Variants in HBS1L observed in about 807,000 individuals in gnomAD.
The protein encoded by HBS1L is HBS1 like translational GTPase.
Under a neutral mutation model 88.9 loss-of-function variants are expected in HBS1L, and 55 were observed. The observed-to-expected ratio is 0.62, with a 90% CI of 0.50 to 0.77. The LOEUF (loss-of-function observed/expected upper bound fraction) is 0.77, where lower values mean the gene tolerates loss of function less well. HBS1L is among the 30% of genes least tolerant of loss of function. HBS1L has a pLI of 0.00. For missense variants in HBS1L, 741 were observed against 829.3 expected, an observed-to-expected ratio of 0.89 and a Z score of 1.31; for synonymous variants, 267 against 288.5, an observed-to-expected ratio of 0.93 and a Z score of 0.76.
At chr6:134,992,194 G>A (rs1221187285) in intron 8 of HBS1L, among the ~76,000 whole-genome samples, 1 of 152,182 alleles carries the variant, frequency 6.6e-6, no homozygotes, top group African/African-American at 2.4e-5. Flanking sequence ...CATTATGAAA[G>A]AAATCAATGT....
chr6:134,995,910 G>A lies in HBS1L; in HGVS notation c.965+867C>T, dbSNP rs1478807475. Among the ~76,000 whole-genome samples, 9 of 152,132 alleles carry A rather than the reference G, an allele frequency of 5.9e-5. No homozygotes were observed. The South Asian group carries it at 1.7e-3, about 28-fold the overall frequency. On this transcript the variant is annotated intron_variant, in intron 7 of 17. Coordinates refer to ENST00000367837, the MANE Select transcript of HBS1L (RefSeq NM_006620.4). Reference sequence around the variant, plus strand: ...GGAATACTGTGACCTGCTTTACAGAGCGTTACCTTATATGTTTATAATGGA... The same window carrying A: ...GGAATACTGTGACCTGCTTTACAGAACGTTACCTTATATGTTTATAATGGA...
At chr6:135,007,933 C>A (rs1214925321) in intron 4 of HBS1L, among the ~76,000 whole-genome samples, 1 of 152,180 alleles carries the variant, frequency 6.6e-6, no homozygotes, top group Admixed American at 6.5e-5. Context: ...TTAGCTGTCA[C>A]CTTACGGCTT....
At chr6:135,011,905 TAAA>T (rs10605981) in intron 4 of HBS1L, among the ~76,000 whole-genome samples, 108 of 112,524 alleles carry the variant, frequency 9.6e-4, no homozygotes, top group Middle Eastern at 5.0e-3. Context: ...AAACTTGTCT[TAAA>T]AAAAAAAAAA....
intron 4 of HBS1L, among the ~76,000 whole-genome samples, chr6:135,015,284 C>T (rs899545163): frequency 1.3e-5 from 2 of 152,182 alleles, no homozygotes; most frequent in African/African-American, 2.4e-5. Flanking sequence ...TTGAGATTCA[C>T]ATATCATACA....
At chr6:135,026,630 A>T (rs1360005052) in intron 4 of HBS1L, among the ~76,000 whole-genome samples, 1 of 152,192 alleles carries the variant, frequency 6.6e-6, no homozygotes, top group Admixed American at 6.5e-5. Flanking sequence ...CACTCAAAAC[A>T]CTAAAAGCAA....
rs776534260 is a variant in HBS1L, at chr6:134,996,894, A to C, written c.848T>G (p.Leu283Arg). ...KSTLMGHMLY[L>R]LGNINKRTMH... ...AGTTCTTTTGTTTATATTACCCAGA[A>C]GATAAAGCATATGGCCCATCAGAGT... The change falls in exon 7 of 18, where the codon CTT becomes CGT. Residue 283 changes from leucine (L) to arginine (R), a missense_variant. Physicochemically the swap from Leu to Arg is moderately radical, Grantham distance 102. This residue lies in a region of HBS1L where 556 missense variants were observed against 598.4 expected (regional missense o/e 0.93). Coordinates refer to ENST00000367837, the MANE Select transcript of HBS1L (RefSeq NM_006620.4). 3 of 1,608,244 alleles carry C rather than the reference A, an allele frequency of 1.9e-6. No homozygotes were observed. In the Admixed American group the frequency reaches 5.1e-5, roughly 28 times the overall value.
chr6:135,019,686 T>C (rs192522063), intron 4 of HBS1L, among the ~76,000 whole-genome samples: 16 of 152,010 alleles, frequency 1.1e-4, no homozygotes, highest in Non-Finnish European at 2.1e-4. Context: ...TGAATAATCC[T>C]TAAAAAAATT....
intron 1 of HBS1L, among the ~76,000 whole-genome samples, 191 bp downstream of exon 1, chr6:135,054,458 G>A (rs553848217): frequency 1.1e-3 from 174 of 152,312 alleles, no homozygotes; most frequent in Non-Finnish European, 2.0e-3. Context: ...AACCCCAGAG[G>A]GCAGAAATCA....
At chr6:134,986,230 A>G (rs767966937) in intron 10 of HBS1L, 47 bp from the exon 11 acceptor site, 3 of 952,304 alleles carry the variant, frequency 3.2e-6, no homozygotes, top group Non-Finnish European at 3.4e-6. Context: ...ATTTTTTAAA[A>G]CATTAAAAGA....
chr6:135,012,314 A>G (rs1429427013), intron 4 of HBS1L, among the ~76,000 whole-genome samples: 2 of 152,358 alleles, frequency 1.3e-5, no homozygotes, highest in East Asian at 3.9e-4. Flanking sequence ...GTCCTATATC[A>G]TATCACTATG....
chr6:135,034,406 G>A (rs1776470525), intron 4 of HBS1L, among the ~76,000 whole-genome samples: 1 of 152,228 alleles, frequency 6.6e-6, no homozygotes, highest in Non-Finnish European at 1.5e-5. Flanking sequence ...CACTTCGGGA[G>A]GCCGAGGTGG....
intron 15 of HBS1L, among the ~76,000 whole-genome samples, chr6:134,977,648 T>G (rs1404212764): frequency 6.6e-6 from 1 of 151,954 alleles, no homozygotes; most frequent in Non-Finnish European, 1.5e-5. Context: ...CAAATATAGG[T>G]GTATCAGTAT....
chr6:134,984,741 A>C (rs1269768208), intron 12 of HBS1L, among the ~76,000 whole-genome samples: 1 of 152,158 alleles, frequency 6.6e-6, no homozygotes, highest in Non-Finnish European at 1.5e-5. Context: ...TTAATATATC[A>C]TCTCTTCCAG....
chr6:135,039,433 T>C (rs1218972990), intron 4 of HBS1L, 140 bp downstream of exon 4: 2 of 677,244 alleles, frequency 3.0e-6, no homozygotes, highest in East Asian at 5.5e-5. Context: ...GATCAACTGA[T>C]AATCAAAAGT....
chr6:134,999,829 G>C (rs139275025), intron 5 of HBS1L, among the ~76,000 whole-genome samples: 150 of 152,192 alleles, frequency 9.9e-4, no homozygotes, highest in African/African-American at 3.2e-3. Flanking sequence ...AAAGTAATTA[G>C]AAAAGTATCC....
intron 4 of HBS1L, among the ~76,000 whole-genome samples, chr6:135,031,252 T>C (rs1237755441): frequency 6.6e-6 from 1 of 152,070 alleles, no homozygotes; most frequent in Non-Finnish European, 1.5e-5. Flanking sequence ...TAGAGACACA[T>C]ATAAAACAAT....
At position 134,961,422 on chromosome 6, in the gene HBS1L, CCTG is replaced by C. The variant is rs1774186160; in HGVS notation, c.*3854_*3856del. On this transcript the variant is annotated 3_prime_UTR_variant, in exon 18 of 18. Transcript: ENST00000367837. ...CATTCACACTAGGCGGTGGCGTTCT[CCTG>C]CTGAACATTTAACAATTCTCAAATC... 1 of 152,182 alleles carries C rather than the reference CCTG, an allele frequency of 6.6e-6. No homozygotes were observed. The highest frequency in any genetic ancestry group is 2.1e-4 in the South Asian group (1 of 4,826). 9.4% of individuals were successfully genotyped at this position (152,182 alleles called of 1,614,324 possible). A position where few individuals can be genotyped will look rare whatever the true frequency, so the allele number is the denominator to read the frequency against.
intron 2 of HBS1L, among the ~76,000 whole-genome samples, chr6:135,042,935 C>G (rs938904941): frequency 1.3e-5 from 2 of 152,118 alleles, no homozygotes; most frequent in Admixed American, 1.3e-4. Flanking sequence ...CTTTCAATCA[C>G]ACACTTTCAA....
At chr6:134,999,448 C>CT (rs35807723) in intron 5 of HBS1L, among the ~76,000 whole-genome samples, 2,498 of 124,708 alleles carry the variant, frequency 0.02, 92 homozygotes, top group African/African-American at 0.039. Flanking sequence ...TTTTTCTTTT[C>CT]TTTTTTTTTT....
Sources: allele counts gnomAD v4.1 joint callset (sites outside exome capture counted in the v4.1 genomes callset), GRCh38; gene constraint gnomAD v4.1.1; regional missense constraint gnomAD v4.1.1; transcripts MANE v1.5; gene names NCBI Gene and HGNC (gene_info 2026-07-23, HGNC 2026-07-21).